Variants in EYS observed in about 807,000 individuals in gnomAD.
EYS encodes the protein EGF-like photoreceptor maintenance factor, also known as protein eyes shut homolog.
EYS carries 250 observed loss-of-function variants against 282.1 expected under a neutral mutation model. That is an observed-to-expected ratio of 0.89 (90% CI 0.80 to 0.98). The LOEUF is 0.98. Ranked by LOEUF, EYS falls within the 50% of genes least tolerant of loss-of-function variation. The probability of loss-of-function intolerance (pLI) is 0.00; values close to 1 mark genes in which losing one functional copy is unlikely to be tolerated. For missense variants in EYS, 4,016 were observed against 3,709.0 expected (o/e 1.08, Z -2.15); for synonymous variants, 1,355 against 1,282.9 (o/e 1.06, Z -1.20).
chr6:64,312,337 C>T (rs1561923181), intron 29 of EYS, among the ~76,000 whole-genome samples: 1 of 152,150 alleles, frequency 6.6e-6, no homozygotes, highest in Admixed American at 6.5e-5. Context: ...TAGATTCCTC[C>T]TCTCTGGGCA....
At chr6:64,328,466 G>A (rs566229096) in intron 29 of EYS, among the ~76,000 whole-genome samples, 1 of 152,168 alleles carries the variant, frequency 6.6e-6, no homozygotes, top group Non-Finnish European at 1.5e-5. Context: ...AAGTCTCAGA[G>A]GTCTGCCAGA....
intron 2 of EYS, among the ~76,000 whole-genome samples, chr6:65,536,974 C>G (rs1244749546): frequency 1.3e-5 from 2 of 152,126 alleles, no homozygotes; most frequent in Admixed American, 6.6e-5. Flanking sequence ...AGTTTTATAA[C>G]TAAACAGATG....
intron 22 of EYS, among the ~76,000 whole-genome samples, chr6:64,667,568 T>A (rs2149893347): frequency 6.6e-6 from 1 of 152,210 alleles, no homozygotes; most frequent in Non-Finnish European, 1.5e-5. Context: ...TTGTTATTTT[T>A]AATTTTTTTC....
intron 29 of EYS, among the ~76,000 whole-genome samples, chr6:64,314,486 A>G (rs758119000): frequency 2.2e-4 from 33 of 151,776 alleles, no homozygotes; most frequent in Admixed American, 5.9e-4. Flanking sequence ...CAGAAAATTA[A>G]TAAGCACCAC....
intron 19 of EYS, among the ~76,000 whole-genome samples, chr6:64,877,999 G>A (rs1562239050): frequency 6.6e-6 from 1 of 152,178 alleles, no homozygotes; most frequent in Non-Finnish European, 1.5e-5. Flanking sequence ...TTGATAGGCT[G>A]AGGCAGGCAG....
At chr6:64,249,063 CAAAAAAAAAAAAAAA>C (rs34663169) in intron 30 of EYS, among the ~76,000 whole-genome samples, 2 of 70,060 alleles carry the variant, frequency 2.9e-5, no homozygotes, top group African/African-American at 1.4e-4. Context: ...CACCCTGTCT[CAAAAAAAAAAAAAAA>C]AAAAAAAGAT....
At chr6:64,584,573 G>GA (rs1269010766) in intron 26 of EYS, among the ~76,000 whole-genome samples, 42 of 148,980 alleles carry the variant, frequency 2.8e-4, no homozygotes, top group African/African-American at 3.9e-4. Context: ...ACTACAATTG[G>GA]AAAAAAAAAG....
At chr6:65,300,123 C>T (rs943938049) in intron 11 of EYS, among the ~76,000 whole-genome samples, 12 of 152,174 alleles carry the variant, frequency 7.9e-5, no homozygotes, top group African/African-American at 2.7e-4. Context: ...GTCATCATTA[C>T]TTCCCCATGT....
At chr6:63,888,753 G>C (rs541836964) in intron 35 of EYS, among the ~76,000 whole-genome samples, 1 of 152,194 alleles carries the variant, frequency 6.6e-6, no homozygotes, top group Non-Finnish European at 1.5e-5. Context: ...TCACAACTTC[G>C]TGTAAGCAAG....
chr6:63,905,329 CTTTTTTTTTT>C (rs377115720), intron 35 of EYS, among the ~76,000 whole-genome samples: 4 of 118,288 alleles, frequency 3.4e-5, no homozygotes, highest in East Asian at 2.4e-4. Context: ...CTTTTTTTTT[CTTTTTTTTTT>C]TTTTTTTTGA....
Position 64,677,366 on chromosome 6 carries a change from A to T in EYS, c.3444-51121T>A, listed in dbSNP as rs1769728179. On this transcript the variant is annotated intron_variant, in intron 22 of 42. Transcript: ENST00000503581. ...AATGCTACTTTATTAAATATCTGAA[A>T]TTATGGATTTTACCATTTGCTAACT... Among the ~76,000 whole-genome samples the T allele has an allele frequency of 2.0e-5, 3 of 152,176 alleles. No individual in the cohort carries two copies. In the South Asian group the frequency reaches 6.2e-4, roughly 31 times the overall value.
chr6:64,708,907 G>A (rs1771117475), intron 22 of EYS, among the ~76,000 whole-genome samples: 1 of 152,118 alleles, frequency 6.6e-6, no homozygotes, highest in African/African-American at 2.4e-5. Context: ...TAACATGCAA[G>A]TTTACAAAAA....
At chr6:65,044,862 C>T (rs577416623) in intron 13 of EYS, among the ~76,000 whole-genome samples, 117 of 151,920 alleles carry the variant, frequency 7.7e-4, no homozygotes, top group Admixed American at 1.5e-3. Context: ...CACTTTTCTG[C>T]CATTCTGGGA....
intron 41 of EYS, among the ~76,000 whole-genome samples, chr6:63,731,691 C>T (rs1397757043): frequency 1.3e-5 from 2 of 151,996 alleles, no homozygotes; most frequent in African/African-American, 2.4e-5. Flanking sequence ...TTATGTGGCT[C>T]ATAGTATTGT....
intron 19 of EYS, among the ~76,000 whole-genome samples, chr6:64,823,110 T>C (rs1178829202): frequency 6.6e-6 from 1 of 152,012 alleles, no homozygotes; most frequent in African/African-American, 2.4e-5. Flanking sequence ...TAATGAATTA[T>C]ATCAAGTTGT....
At chr6:64,872,651 C>T (rs1766629934) in intron 19 of EYS, among the ~76,000 whole-genome samples, 1 of 151,972 alleles carries the variant, frequency 6.6e-6, no homozygotes, top group Admixed American at 6.6e-5. Context: ...TTCCTTAATC[C>T]TCACCCACTT....
chr6:64,736,460 T>C (rs937434052), intron 22 of EYS, among the ~76,000 whole-genome samples: 1 of 152,180 alleles, frequency 6.6e-6, no homozygotes, highest in Admixed American at 6.5e-5. Context: ...TTTACTCTTT[T>C]AGTGGTATTG....
At chr6:64,093,036 T>G in intron 31 of EYS, among the ~76,000 whole-genome samples, 1 of 152,154 alleles carries the variant, frequency 6.6e-6, no homozygotes, top group East Asian at 1.9e-4. Context: ...CTTGTTTTTC[T>G]CAGATTTGTC....
chr6:64,030,285 A>T (rs1769758287), intron 33 of EYS, among the ~76,000 whole-genome samples: 1 of 152,204 alleles, frequency 6.6e-6, no homozygotes, highest in African/African-American at 2.4e-5. Context: ...AGTAGTAAAG[A>T]AAAAACAGTG....
Sources: gnomAD v4.1 joint callset for allele counts (sites outside exome capture counted in the v4.1 genomes callset) on GRCh38, gnomAD v4.1.1 for gene constraint, MANE v1.5 for transcripts, NCBI Gene and HGNC (gene_info 2026-07-23, HGNC 2026-07-21) for gene names.